TRAPPC8: variants seen among roughly 807,000 people sequenced by gnomAD.
TRAPPC8 encodes the protein trafficking protein particle complex subunit 8.
In TRAPPC8, 54 loss-of-function variants were observed where a neutral mutation model predicts 174.3. The observed-to-expected ratio is 0.31, with a 90% CI of 0.25 to 0.39. TRAPPC8 has a LOEUF of 0.39. TRAPPC8 is among the 10% of genes least tolerant of loss of function. The pLI is 1.00. For synonymous variants in TRAPPC8, 630 were observed against 579.9 expected (o/e 1.09, Z -1.24); for missense variants, 1,531 against 1,699.1 (o/e 0.90, Z 1.74).
In TRAPPC8 at chr18:31,926,160, C is replaced by A. The variant is rs1467222741; in HGVS notation, c.352+5169G>T. ...GTTTTACAGCTTTTTTCTAATCAAT[C>A]CTTTCCCCCGATTAAAGTATTTTTT... On this transcript the variant is annotated intron_variant, in intron 2 of 28. Transcript: ENST00000283351. Among the ~76,000 whole-genome samples the A allele has an allele frequency of 2.6e-5, 4 of 152,092 alleles. No individual in the cohort carries two copies. In the East Asian group the frequency reaches 7.7e-4, roughly 29 times the overall value.
intron 14 of TRAPPC8, among the ~76,000 whole-genome samples, chr18:31,871,851 T>C (rs1380405946): frequency 1.3e-5 from 2 of 151,996 alleles, no homozygotes; most frequent in Admixed American, 6.6e-5. Context: ...ACTATGAATA[T>C]GACAATTTAA....
intron 11 of TRAPPC8, chr18:31,891,121 T>G (rs754760140): frequency 4.0e-4 from 80 of 202,528 alleles, no homozygotes; most frequent in Non-Finnish European, 6.2e-4. Context: ...TTATGATATG[T>G]GCCATGTACC....
chr18:31,844,784 G>A (rs939028229), intron 26 of TRAPPC8, among the ~76,000 whole-genome samples: 5 of 150,990 alleles, frequency 3.3e-5, no homozygotes, highest in Non-Finnish European at 7.4e-5. Context: ...AATTATCTCC[G>A]CACAAATTAC....
intron 21 of TRAPPC8, 94 bp downstream of exon 21, chr18:31,855,566 G>GCT (rs1292690911): frequency 9.6e-7 from 1 of 1,041,204 alleles, no homozygotes; most frequent in Non-Finnish European, 1.4e-6. Context: ...CCTAGCTTAT[G>GCT]CTGTCTTGTA....
chr18:31,935,075 T>C (rs1422491019), intron 1 of TRAPPC8, among the ~76,000 whole-genome samples: 4 of 152,056 alleles, frequency 2.6e-5, no homozygotes, highest in Non-Finnish European at 5.9e-5. Flanking sequence ...CCGGGCGTGA[T>C]GGCTCATGCC....
intron 12 of TRAPPC8, among the ~76,000 whole-genome samples, chr18:31,877,610 CAAAAAAA>C (rs1161138155): frequency 1.3e-5 from 1 of 77,160 alleles, no homozygotes; most frequent in Non-Finnish European, 2.3e-5. Flanking sequence ...GACTCCGTCT[CAAAAAAA>C]AAAAAAAAAA....
chr18:31,874,463 T>A lies in TRAPPC8; in HGVS notation c.1953+17A>T, dbSNP rs777596125. The A allele has an allele frequency of 2.5e-6, 4 of 1,605,422 alleles. No homozygotes were observed. Among genetic ancestry groups the A allele is most frequent in the Non-Finnish European group, 3.4e-6 (4 of 1,172,284 alleles). ...TACAGTTTTAATATCTATTCCTGAA[T>A]GAAAATAAGCAGTCACCTTGTAAAC... On this transcript the variant is annotated intron_variant, in intron 13 of 28. Transcript: ENST00000283351.
chr18:31,864,859 T>A, intron 18 of TRAPPC8, 78 bp from the exon 19 acceptor site: 2 of 1,244,012 alleles, frequency 1.6e-6, no homozygotes, highest in Non-Finnish European at 2.2e-6. Flanking sequence ...TATGTGAATA[T>A]TGTAAGTTTC....
At chr18:31,921,337 G>A (rs1315381676) in intron 2 of TRAPPC8, among the ~76,000 whole-genome samples, 1 of 152,186 alleles carries the variant, frequency 6.6e-6, no homozygotes, top group Non-Finnish European at 1.5e-5. Context: ...CTTTAGGTCA[G>A]GCACGGTGGC....
chr18:31,937,167 C>T (rs981668937), intron 1 of TRAPPC8, among the ~76,000 whole-genome samples: 6 of 151,910 alleles, frequency 3.9e-5, no homozygotes, highest in East Asian at 1.9e-4. Flanking sequence ...TGAGCTGAGA[C>T]GCACCACTGC....
rs569517556 is a variant in TRAPPC8, at chr18:31,890,748, C to G, written c.1715G>C (p.Ser572Thr). The G allele has an allele frequency of 6.2e-7, 1 of 1,611,010 alleles. No homozygotes were observed. The highest frequency in any genetic ancestry group is 8.5e-7 in the Non-Finnish European group (1 of 1,178,438). ...AAATGCACTCACCTGCCCTGCTTTA[C>G]TAAATCGATGGCCTGCCAATATCAT... ...FHMILAGHRF[S>T]KAGQKKHALR... Residue 572 changes from serine to threonine, a missense_variant, in exon 12 of 29, where the codon AGT becomes ACT. Physicochemically the swap from Ser to Thr is moderately conservative, Grantham distance 58. Coordinates refer to ENST00000283351, the MANE Select transcript of TRAPPC8 (RefSeq NM_014939.5).
chr18:31,884,392 ATGTG>A (rs1165224779), intron 12 of TRAPPC8, among the ~76,000 whole-genome samples: 2 of 152,216 alleles, frequency 1.3e-5, no homozygotes, highest in Non-Finnish European at 2.9e-5. Context: ...CATATAGTGA[ATGTG>A]TGTGTATTTA....
chr18:31,925,443 C>T (rs530653684), intron 2 of TRAPPC8, among the ~76,000 whole-genome samples: 277 of 151,990 alleles, frequency 1.8e-3, no homozygotes, highest in Non-Finnish European at 2.7e-3. Context: ...AAGATAAAGT[C>T]AAGGATATTC....
chr18:31,878,751 C>A (rs769403086), intron 12 of TRAPPC8, among the ~76,000 whole-genome samples: 1 of 152,016 alleles, frequency 6.6e-6, no homozygotes, highest in African/African-American at 2.4e-5. Flanking sequence ...GTAACGAGAT[C>A]CACAGGCTCA....
intron 2 of TRAPPC8, among the ~76,000 whole-genome samples, chr18:31,921,802 A>C (rs1163415508): frequency 6.6e-6 from 1 of 152,096 alleles, no homozygotes; most frequent in Non-Finnish European, 1.5e-5. Context: ...TCTGGGTTCT[A>C]CTCTTAGGAT....
intron 12 of TRAPPC8, among the ~76,000 whole-genome samples, chr18:31,885,145 C>T (rs1457534261): frequency 3.3e-5 from 5 of 152,114 alleles, no homozygotes; most frequent in African/African-American, 9.7e-5. Flanking sequence ...GCGTGAGCCA[C>T]CGTACCCAGC....
At chr18:31,853,483 G>C (rs2033823678) in intron 22 of TRAPPC8, among the ~76,000 whole-genome samples, 1 of 152,078 alleles carries the variant, frequency 6.6e-6, no homozygotes, top group African/African-American at 2.4e-5. Flanking sequence ...GGCCAGGCTG[G>C]TTTCAAACTG....
chr18:31,845,448 A>T (rs1244047463), intron 26 of TRAPPC8, among the ~76,000 whole-genome samples: 6 of 151,866 alleles, frequency 4.0e-5, no homozygotes, highest in Non-Finnish European at 4.4e-5. Flanking sequence ...AACTTCCTGA[A>T]TGTGATAATG....
At chr18:31,874,806 T>TA in intron 12 of TRAPPC8, 102 bp from the exon 13 acceptor site, 1 of 933,692 alleles carries the variant, frequency 1.1e-6, no homozygotes, top group Non-Finnish European at 1.6e-6. Context: ...TAACTGGTTC[T>TA]TCCTCTAAGG....
Sources: gnomAD v4.1 joint callset for allele counts (sites outside exome capture counted in the v4.1 genomes callset) on GRCh38, gnomAD v4.1.1 for gene constraint, MANE v1.5 for transcripts, NCBI Gene and HGNC (gene_info 2026-07-23, HGNC 2026-07-21) for gene names.